NRXN2: variants seen among roughly 807,000 people sequenced by gnomAD.
NRXN2 encodes neurexin-2-beta.
NRXN2 carries 29 observed loss-of-function variants against 128.8 expected under a neutral mutation model. The observed-to-expected ratio is 0.23, with a 90% CI of 0.17 to 0.31. NRXN2 has a LOEUF of 0.31. Among genes scored for constraint, NRXN2 ranks in the 10% least tolerant of loss-of-function variants. NRXN2 has a pLI of 1.00. For missense variants in NRXN2, 1,881 were observed against 2,452.6 expected (o/e 0.77, Z 4.92); for synonymous variants, 1,098 against 1,075.2 (o/e 1.02, Z -0.41).
intron 2 of NRXN2, among the ~76,000 whole-genome samples, chr11:64,698,633 C>T (rs771793944): frequency 6.6e-6 from 1 of 152,238 alleles, no homozygotes; most frequent in Non-Finnish European, 1.5e-5. Context: ...AGTCCAAATT[C>T]AGTGGGCCAC....
At chr11:64,617,332 C>T (rs146776555) in intron 22 of NRXN2, among the ~76,000 whole-genome samples, 24 of 152,268 alleles carry the variant, frequency 1.6e-4, no homozygotes, top group African/African-American at 5.3e-4. Flanking sequence ...TCTTCCTGCA[C>T]GTCTCGGGTT....
At position 64,713,517 on chromosome 11, in the gene NRXN2, G is replaced by A. The variant is rs1396689797; in HGVS notation, c.183C>T (p.Ala61=). The stretch of plus-strand genomic sequence containing the variant: ...CCAGGTAGAGCAGCAGCGCGCGCGT[G>A]GCGTTGGTGCGCAGGCTGAAGCTGA... ...GELSFSLRTN[A]TRALLLYLDD... is the part of the protein sequence containing the mutation. The change falls in exon 2 of 23, where the codon GCC becomes GCT. Residue 61 remains alanine, a synonymous_variant. Coordinates refer to ENST00000265459, the MANE Select transcript of NRXN2 (RefSeq NM_015080.4). 6.6e-7 allele frequency: 1 copy of A among 1,512,092 alleles called. No individual in the cohort carries two copies. The highest frequency in any genetic ancestry group is 8.8e-7 in the Non-Finnish European group (1 of 1,138,422). 93.7% of individuals were successfully genotyped at this position (1,512,092 alleles called of 1,614,324 possible).
At chr11:64,700,563 A>G (rs1344658595) in intron 2 of NRXN2, among the ~76,000 whole-genome samples, 1 of 152,144 alleles carries the variant, frequency 6.6e-6, no homozygotes, top group African/African-American at 2.4e-5. Context: ...AGAAGAAAAC[A>G]CACCCAGGAG....
At chr11:64,708,419 CCA>C (rs1175803345) in intron 2 of NRXN2, among the ~76,000 whole-genome samples, 1 of 152,174 alleles carries the variant, frequency 6.6e-6, no homozygotes, top group Non-Finnish European at 1.5e-5. Context: ...AGCCCCTTCT[CCA>C]CACACACAGG....
intron 22 of NRXN2, among the ~76,000 whole-genome samples, chr11:64,611,405 C>G (rs1437984807): frequency 6.6e-6 from 1 of 152,218 alleles, no homozygotes; most frequent in African/African-American, 2.4e-5. Context: ...ACCCCAGCGT[C>G]AAGGCTTGGC....
intron 6 of NRXN2, among the ~76,000 whole-genome samples, chr11:64,684,177 C>T (rs550611608): frequency 4.6e-5 from 7 of 152,150 alleles, no homozygotes; most frequent in Admixed American, 2.0e-4. Flanking sequence ...AGCATCTTGC[C>T]GAAGTCGGTA....
intron 18 of NRXN2, among the ~76,000 whole-genome samples, chr11:64,633,531 G>A (rs542910926): frequency 2.0e-5 from 3 of 152,238 alleles, no homozygotes; most frequent in South Asian, 4.1e-4. Context: ...GCAGAGCTTC[G>A]CATGAGGGAG....
Position 64,653,739 on chromosome 11 carries a change from G to A in NRXN2, c.2390-17C>T. The stretch of plus-strand genomic sequence containing the variant: ...GCAGGCAGTCTGGGGGGGCCATGGG[G>A]CGGGCAGAGGGGAAGGGGAGACAAA... On this transcript the variant is annotated splice_polypyrimidine_tract_variant and intron_variant, in intron 11 of 22. Coordinates refer to ENST00000265459, the MANE Select transcript of NRXN2 (RefSeq NM_015080.4). 1.3e-6 allele frequency: 2 copies of A among 1,579,972 alleles called. No homozygotes were observed. The highest frequency in any genetic ancestry group is 1.7e-6 in the Non-Finnish European group (2 of 1,161,768).
At chr11:64,717,564 G>A (rs1001546694) in intron 1 of NRXN2, among the ~76,000 whole-genome samples, 31 of 152,090 alleles carry the variant, frequency 2.0e-4, no homozygotes, top group Non-Finnish European at 4.1e-4. Flanking sequence ...ACCCTCTCCC[G>A]ATAACTCAAC....
intron 1 of NRXN2, among the ~76,000 whole-genome samples, chr11:64,719,232 A>G (rs2135693269): frequency 6.6e-6 from 1 of 152,294 alleles, no homozygotes; most frequent in South Asian, 2.1e-4. Flanking sequence ...AGTAAGCAAG[A>G]CAAGTATTAT....
intron 21 of NRXN2, 87 bp from the exon 22 acceptor site, chr11:64,620,459 C>T (rs893111544): frequency 1.9e-6 from 2 of 1,059,192 alleles, no homozygotes; most frequent in African/African-American, 3.2e-5. Flanking sequence ...CACGGTGGCA[C>T]GGGGGATGCC....
chr11:64,681,264 G>A lies in NRXN2; in HGVS notation c.1153-4227C>T, dbSNP rs186973513. ...CCTTACCAGCTGCCTTCAGGAAAGA[G>A]ACCAAATGGATCAGAAAAAAACTAC... On this transcript the variant is annotated intron_variant, in intron 6 of 22. Coordinates refer to ENST00000265459, the MANE Select transcript of NRXN2 (RefSeq NM_015080.4). Among the ~76,000 whole-genome samples, 141 of 152,126 alleles carry A rather than the reference G, an allele frequency of 9.3e-4. 1 individual carries two copies. Among genetic ancestry groups the A allele is most frequent in the Non-Finnish European group, 1.5e-3 (100 of 68,002 alleles).
At position 64,685,831 on chromosome 11, in the gene NRXN2, G is replaced by A. The variant is rs748945460; in HGVS notation, c.967C>T (p.Arg323Cys). ...EITLAFRTLQRNGLMLHTGKS... is the reference protein window; with the variant it reads ...EITLAFRTLQCNGLMLHTGKS... ...CCTGTATGCAGCATCAGGCCGTTGCGTTGCAGGGTGCGGAAGGCCAGTGTG... is the reference window on the plus strand; with the variant it reads ...CCTGTATGCAGCATCAGGCCGTTGCATTGCAGGGTGCGGAAGGCCAGTGTG... Residue 323 changes from arginine (R) to cysteine (C), a missense_variant, in exon 6 of 23, where the codon CGC becomes TGC. By Grantham distance (180) the Arg-to-Cys change is radical. This residue lies in a region of NRXN2 where 997 missense variants were observed against 1,240.8 expected (regional missense o/e 0.80). Transcript: ENST00000265459. 1.1e-5 allele frequency: 17 copies of A among 1,614,110 alleles called. No homozygotes were observed. The highest frequency in any genetic ancestry group is 2.2e-5 in the East Asian group (1 of 44,900).
intron 7 of NRXN2, among the ~76,000 whole-genome samples, chr11:64,674,963 T>G (rs2135532644): frequency 6.6e-6 from 1 of 152,336 alleles, no homozygotes; most frequent in East Asian, 1.9e-4. Context: ...GCCCATGTGG[T>G]CAATTTTTAA....
At chr11:64,626,317 G>C (rs1238000487) in intron 20 of NRXN2, 146 bp downstream of exon 20, 1 of 667,098 alleles carries the variant, frequency 1.5e-6, no homozygotes, top group Non-Finnish European at 2.6e-6. Context: ...GACTCCAAAG[G>C]GGAAGGGAGC....
chr11:64,709,190 CAAAAAAAAA>C (rs112450142), intron 2 of NRXN2, among the ~76,000 whole-genome samples: 1 of 83,418 alleles, frequency 1.2e-5, no homozygotes, highest in African/African-American at 4.2e-5. Context: ...GACTCCATCT[CAAAAAAAAA>C]AAAAAAAAAA....
chr11:64,704,623 C>CACAGAGGGAGAGAGAGAGAGAG (rs1336665936), intron 2 of NRXN2, among the ~76,000 whole-genome samples: 1 of 81,178 alleles, frequency 1.2e-5, no homozygotes, highest in African/African-American at 4.7e-5. Flanking sequence ...CACACACACA[C>CACAGAGGGAGAGAGAGAGAGAG]AGAGAGAGAG....
intron 19 of NRXN2, among the ~76,000 whole-genome samples, chr11:64,629,798 C>A (rs974837411): frequency 2.6e-5 from 4 of 152,140 alleles, no homozygotes; most frequent in Non-Finnish European, 5.9e-5. Context: ...TCACTTGTCT[C>A]TTCCTCCCTT....
chr11:64,703,598 GTC>G (rs1160086882), intron 2 of NRXN2, among the ~76,000 whole-genome samples: 1 of 152,132 alleles, frequency 6.6e-6, no homozygotes, highest in East Asian at 1.9e-4. Context: ...AACCAACTTT[GTC>G]TCTTCATCAT....
Sources: gnomAD v4.1 joint callset for allele counts (sites outside exome capture counted in the v4.1 genomes callset) on GRCh38, gnomAD v4.1.1 for gene constraint, gnomAD v4.1.1 regional missense constraint, MANE v1.5 for transcripts, NCBI Gene and HGNC (gene_info 2026-07-23, HGNC 2026-07-21) for gene names.